The following PCDHGA8 variants were observed in gnomAD, a reference collection of about 807,000 sequenced individuals.
PCDHGA8 encodes the protein protocadherin gamma-A8.
In PCDHGA8, 45 loss-of-function variants were observed where a neutral mutation model predicts 59.2. The observed-to-expected ratio is 0.76, with a 90% CI of 0.60 to 0.98. PCDHGA8 has a LOEUF of 0.98. PCDHGA8 is among the 50% of genes least tolerant of loss of function. PCDHGA8 has a pLI of 0.00. For missense variants in PCDHGA8, 1,257 were observed against 1,196.2 expected (o/e 1.05, Z -0.75); for synonymous variants, 531 against 519.0 (o/e 1.02, Z -0.32).
chr5:141,412,554 C>T (rs2095562022), intron 1 of PCDHGA8: 1 of 152,094 alleles, frequency 6.6e-6, no homozygotes, highest in Non-Finnish European at 1.5e-5. Context: ...TGAATTATCT[C>T]ATGAGTTTAT....
intron 2 of PCDHGA8, among the ~76,000 whole-genome samples, chr5:141,497,332 A>G (rs537994715): frequency 6.6e-6 from 1 of 152,024 alleles, no homozygotes; most frequent in Non-Finnish European, 1.5e-5. Context: ...AGAATTCACC[A>G]TTGAACCTGG....
chr5:141,470,860 T>G (rs2099242265), intron 1 of PCDHGA8, among the ~76,000 whole-genome samples: 1 of 151,788 alleles, frequency 6.6e-6, no homozygotes, highest in South Asian at 2.1e-4. Context: ...GATAAGTTTT[T>G]TGTTTGTTTG....
chr5:141,423,374 G>T (rs1356564295), intron 1 of PCDHGA8: 2 of 1,614,188 alleles, frequency 1.2e-6, no homozygotes, highest in Admixed American at 1.7e-5. Context: ...CTGGCACTCA[G>T]GCTGTGGCGC....
chr5:141,408,053 TC>T, intron 1 of PCDHGA8: 1 of 1,288,090 alleles, frequency 7.8e-7, no homozygotes, highest in South Asian at 1.6e-5. Context: ...ACACAGAGCC[TC>T]CCGGCTGCGC....
chr5:141,422,838 C>G, intron 1 of PCDHGA8: 3 of 1,614,252 alleles, frequency 1.9e-6, no homozygotes, highest in African/African-American at 2.7e-5. Flanking sequence ...TAGCACGTGA[C>G]AGCGGGGACC....
chr5:141,505,434 A>C lies in PCDHGA8; in HGVS notation c.2525A>C (p.Gln842Pro), dbSNP rs1417754900. 1 of 1,614,198 alleles carries C rather than the reference A, an allele frequency of 6.2e-7. No homozygotes were observed. The highest frequency in any genetic ancestry group is 1.7e-5 in the Admixed American group (1 of 60,032). The change falls in exon 3 of 4, where the codon CAG (glutamine) becomes CCG (proline). Residue 842 changes from glutamine (Q) to proline (P), a missense_variant. Gln to Pro is a moderately conservative substitution (Grantham distance 76). Coordinates refer to ENST00000398604, the MANE Select transcript of PCDHGA8 (RefSeq NM_032088.2). ...GACACCGGCACCTGGCCCAACAACCAGTTTGACACAGAGATGCTGCAAGCC... is the reference window on the plus strand; with the variant it reads ...GACACCGGCACCTGGCCCAACAACCCGTTTGACACAGAGATGCTGCAAGCC... ...GDDTGTWPNN[Q>P]FDTEMLQAMI...
Position 141,394,122 on chromosome 5 carries a change from C to G in PCDHGA8, c.1309C>G (p.Gln437Glu). 6.2e-7 allele frequency: 1 copy of G among 1,613,944 alleles called. No individual in the cohort carries two copies. Among genetic ancestry groups the G allele is most frequent in the Middle Eastern group, 1.6e-4 (1 of 6,062 alleles). ...LGTPPLSTET[Q>E]IALHVADIND... is the part of the protein sequence containing the mutation. ...AACACCACCTCTGTCCACTGAAACT[C>G]AAATCGCTCTGCACGTGGCAGACAT... The change falls in exon 1 of 4, where the codon CAA (glutamine) becomes GAA (glutamate). Residue 437 changes from glutamine (Q) to glutamate (E), a missense_variant. Physicochemically the swap from Gln to Glu is conservative, Grantham distance 29. Coordinates refer to ENST00000398604, the MANE Select transcript of PCDHGA8 (RefSeq NM_032088.2).
chr5:141,492,962 C>T (rs1197532146), intron 1 of PCDHGA8, among the ~76,000 whole-genome samples: 2 of 152,258 alleles, frequency 1.3e-5, no homozygotes, highest in Non-Finnish European at 2.9e-5. Context: ...CTATCTGACA[C>T]TCTAACAAGT....
intron 1 of PCDHGA8, chr5:141,402,972 G>A (rs758148844): frequency 6.2e-7 from 1 of 1,608,316 alleles, no homozygotes; most frequent in Non-Finnish European, 8.5e-7. Context: ...CCAACCAAAT[G>A]CCAGCTCCGC....
chr5:141,468,374 C>T (rs1340499708), intron 1 of PCDHGA8: 2 of 150,736 alleles, frequency 1.3e-5, no homozygotes, highest in Non-Finnish European at 3.0e-5. Context: ...ATAACTCAGC[C>T]ATACAAGGCT....
chr5:141,420,135 A>T (rs2096469364), intron 1 of PCDHGA8: 1 of 1,614,026 alleles, frequency 6.2e-7, no homozygotes. Flanking sequence ...GTGCCTGGGG[A>T]TCAAATGAAT....
At chr5:141,422,002 G>A (rs754599902) in intron 1 of PCDHGA8, 41 of 1,609,306 alleles carry the variant, frequency 2.5e-5, no homozygotes, top group Non-Finnish European at 3.1e-5. Flanking sequence ...CATCAGCTCC[G>A]GAACTCGGGT....
At chr5:141,421,352 A>T in intron 1 of PCDHGA8, 1 of 1,613,946 alleles carries the variant, frequency 6.2e-7, no homozygotes, top group Non-Finnish European at 8.5e-7. Context: ...GAGACCGAAA[A>T]GGGCTCCTTC....
Position 141,491,048 on chromosome 5 carries a change from C to T in PCDHGA8, c.2425-3759C>T, listed in dbSNP as rs755163825. The T allele has an allele frequency of 7.4e-6, 12 of 1,613,948 alleles. No individual in the cohort carries two copies. Among genetic ancestry groups the T allele is most frequent in the South Asian group, 4.4e-5 (4 of 91,090 alleles). ...GTGGATGCTGATGCAGGCCACAATG[C>T]GTGGCTCTCCTACTCACTGTTGCCA... On this transcript the variant is annotated intron_variant, in intron 1 of 3. Coordinates refer to ENST00000398604, the MANE Select transcript of PCDHGA8 (RefSeq NM_032088.2). The surrounding 1 kb of genome is among the most constrained non-coding windows in gnomAD (Gnocchi z 6.9).
At position 141,450,007 on chromosome 5, in the gene PCDHGA8, T is replaced by TA. The variant is rs57702245; in HGVS notation, c.2425-44800_2425-44799insA. Among the ~76,000 whole-genome samples the TA allele has an allele frequency of 5.9e-4, 19 of 31,956 alleles. No homozygotes were observed. In the African/African-American group the frequency reaches 7.8e-3, roughly 13 times the overall value. 21.0% of individuals were successfully genotyped at this position (31,956 alleles called of 152,430 possible). A position where few individuals can be genotyped will look rare whatever the true frequency, so the allele number is the denominator to read the frequency against. On this transcript the variant is annotated intron_variant, in intron 1 of 3. Coordinates refer to ENST00000398604, the MANE Select transcript of PCDHGA8 (RefSeq NM_032088.2). Reference sequence around the variant, plus strand: ...ACATTGCATTTAGTTGCCATGTCTCTTTTTTTTTTTTTTTTTTGAGACAGG... The same window carrying TA: ...ACATTGCATTTAGTTGCCATGTCTCTATTTTTTTTTTTTTTTTTGAGACAGG...
chr5:141,418,576 C>T, intron 1 of PCDHGA8: 2 of 1,614,012 alleles, frequency 1.2e-6, no homozygotes, highest in South Asian at 1.1e-5. Flanking sequence ...ATGACAACCC[C>T]CCAGTGTTCA....
intron 1 of PCDHGA8, chr5:141,422,103 A>C: frequency 6.2e-7 from 1 of 1,608,206 alleles, no homozygotes; most frequent in Admixed American, 1.7e-5. Context: ...CTTCTGAAAT[A>C]TTCCAATTGG....
At chr5:141,408,400 G>A (rs2095097999) in intron 1 of PCDHGA8, 2 of 1,614,052 alleles carry the variant, frequency 1.2e-6, no homozygotes, top group Non-Finnish European at 1.7e-6. Flanking sequence ...CTCGCAAGCT[G>A]CGAGTGAGCG....
At chr5:141,405,488 C>T (rs781076927) in intron 1 of PCDHGA8, 5 of 895,936 alleles carry the variant, frequency 5.6e-6, no homozygotes, top group Middle Eastern at 2.9e-4. Context: ...GGTGTGATCT[C>T]GGCTCATTGC....
Sources: allele counts gnomAD v4.1 joint callset (sites outside exome capture counted in the v4.1 genomes callset), GRCh38; gene constraint gnomAD v4.1.1; non-coding constraint Gnocchi (gnomAD v3.1); transcripts MANE v1.5; gene names NCBI Gene and HGNC (gene_info 2026-07-23, HGNC 2026-07-21).